C19orf38: variants seen among roughly 807,000 people sequenced by gnomAD.
The protein encoded by C19orf38 is protein HIDE1.
Under a neutral mutation model 26.6 loss-of-function variants are expected in C19orf38, and 14 were observed. That is an observed-to-expected ratio of 0.53 (90% CI 0.35 to 0.82). The LOEUF is 0.82. C19orf38 is among the 40% of genes least tolerant of loss of function. The pLI is 0.01. For missense variants in C19orf38, 261 were observed against 299.5 expected, an observed-to-expected ratio of 0.87 and a Z score of 0.95; for synonymous variants, 132 against 128.5, an observed-to-expected ratio of 1.03 and a Z score of -0.18.
chr19:10,846,635 C>G, upstream of C19orf38, among the ~76,000 whole-genome samples: 1 of 152,044 alleles, frequency 6.6e-6, no homozygotes, highest in East Asian at 1.9e-4. Context: ...CGATAAGAGA[C>G]AAGGAGACTT....
chr19:10,859,184 G>A (rs1568337313), intron 4 of C19orf38, among the ~76,000 whole-genome samples: 1 of 150,148 alleles, frequency 6.7e-6, no homozygotes, highest in Non-Finnish European at 1.5e-5. Flanking sequence ...TGATCCGCCC[G>A]CCTGTGCCTC....
chr19:10,858,516 G>T (rs950237353), intron 4 of C19orf38, among the ~76,000 whole-genome samples, 173 bp downstream of exon 4: 1 of 152,116 alleles, frequency 6.6e-6, no homozygotes. Flanking sequence ...ACTGAGCTGG[G>T]ACTCTCTGAA....
chr19:10,856,238 C>G, intron 2 of C19orf38, 27 bp from the exon 3 acceptor site: 5 of 1,532,558 alleles, frequency 3.3e-6, no homozygotes, highest in Non-Finnish European at 4.4e-6. Flanking sequence ...ACTGACCTGC[C>G]CACTCTCTTT....
At chr19:10,859,370 ATATATATATATATATTTT>A (rs1402837182) in intron 4 of C19orf38, among the ~76,000 whole-genome samples, 50 of 77,636 alleles carry the variant, frequency 6.4e-4, no homozygotes, top group African/African-American at 4.0e-3. Flanking sequence ...ATATATATAT[ATATATATATATATATTTT>A]TTTTTTTTTT....
At chr19:10,842,393 T>C in intron 1 of C19orf38, 2 of 521,836 alleles carry the variant, frequency 3.8e-6, no homozygotes, top group South Asian at 4.1e-5. Context: ...CCCGAGTAGC[T>C]GGGACTACAG....
chr19:10,848,299 C>T, upstream of C19orf38: 1 of 567,402 alleles, frequency 1.8e-6, no homozygotes, highest in East Asian at 2.8e-5. Flanking sequence ...GTGCGCGGGT[C>T]TGATGTGTGT....
At chr19:10,860,592 A>G (rs2073687708) in intron 5 of C19orf38, among the ~76,000 whole-genome samples, 2 of 144,374 alleles carry the variant, frequency 1.4e-5, no homozygotes, top group Admixed American at 1.4e-4. Context: ...CTGTAATCCC[A>G]GCACTTTGGG....
rs2073653222 is a variant in C19orf38 at position 10,858,334 on chromosome 19, A to G, written c.452A>G (p.Gln151Arg). The G allele has an allele frequency of 6.5e-7, 1 of 1,549,240 alleles. No individual in the cohort carries two copies. Among genetic ancestry groups the G allele is most frequent in the Admixed American group, 2.0e-5 (1 of 50,848 alleles). ...VVRKVKLRNL[Q>R]KKRDRESCWA... ...GTTCCAGTTAAACTCAGAAATTTAC[A>G]GAAGAAAAGGTGAGATCATCCCTGG... The change falls in exon 4 of 7, where the codon CAG (glutamine) becomes CGG (arginine). Residue 151 changes from glutamine to arginine, a missense_variant. By Grantham distance (43) the Gln-to-Arg change is conservative (BLOSUM62 1). Transcript: ENST00000397820.
chr19:10,858,020 A>G (rs1599666860), intron 3 of C19orf38, among the ~76,000 whole-genome samples: 1 of 151,904 alleles, frequency 6.6e-6, no homozygotes, highest in African/African-American at 2.4e-5. Context: ...ACTTGAGGTC[A>G]GGAGTTCGAG....
At chr19:10,859,384 A>T (rs1345087333) in intron 4 of C19orf38, among the ~76,000 whole-genome samples, 1,063 of 20,758 alleles carry the variant, frequency 0.051, 10 homozygotes, top group Middle Eastern at 0.071. Context: ...ATATATATAT[A>T]TTTTTTTTTT....
Position 10,850,289 on chromosome 19 carries a change from G to A in C19orf38, c.62G>A (p.Arg21Gln), listed in dbSNP as rs368890462. Reference sequence around the variant, plus strand: ...TTGGCGATCCCAGCACCATCCATCCGGCTGGTGCCCCCGTACCCAAGCAGC... The same window carrying A: ...TTGGCGATCCCAGCACCATCCATCCAGCTGGTGCCCCCGTACCCAAGCAGC... ...GSLAIPAPSI[R>Q]LVPPYPSSQE... The change falls in exon 2 of 7, where the codon CGG becomes CAG. Residue 21 changes from arginine to glutamine, a missense_variant. By Grantham distance (43) the Arg-to-Gln change is conservative (BLOSUM62 1). Transcript: ENST00000397820. The A allele has an allele frequency of 9.0e-6, 14 of 1,550,498 alleles. No individual in the cohort carries two copies. The highest frequency in any genetic ancestry group is 1.8e-4 in the Middle Eastern group (1 of 5,448).
chr19:10,844,639 T>A (rs1187283423), upstream of C19orf38, among the ~76,000 whole-genome samples: 5 of 147,054 alleles, frequency 3.4e-5, no homozygotes, highest in Non-Finnish European at 4.5e-5. Flanking sequence ...CAAGGTCAGG[T>A]GATCAAGACC....
intron 5 of C19orf38, among the ~76,000 whole-genome samples, chr19:10,860,685 CA>C (rs2073689082): frequency 6.9e-6 from 1 of 145,550 alleles, no homozygotes; most frequent in African/African-American, 2.6e-5. Context: ...ACTAAAAATA[CA>C]AAAAATTAGG....
chr19:10,854,352 C>T (rs1488486097), intron 2 of C19orf38, among the ~76,000 whole-genome samples: 1 of 152,274 alleles, frequency 6.6e-6, no homozygotes, highest in South Asian at 2.1e-4. Context: ...CCATGAGCCA[C>T]CGCGCCTGGC....
At chr19:10,848,294 C>G, upstream of C19orf38, 1 of 531,910 alleles carries the variant, frequency 1.9e-6, no homozygotes, top group Non-Finnish European at 3.4e-6. Flanking sequence ...GAGAGGTGCG[C>G]GGGTCTGATG....
chr19:10,849,862 C>T (rs117927505), intron 1 of C19orf38, among the ~76,000 whole-genome samples: 2,394 of 150,732 alleles, frequency 0.016, 32 homozygotes, highest in South Asian at 0.019. Context: ...GCCAGGAGTT[C>T]GAGACCAGTC....
intron 2 of C19orf38, among the ~76,000 whole-genome samples, chr19:10,854,990 A>G (rs1359627457): frequency 6.8e-6 from 1 of 146,070 alleles, no homozygotes; most frequent in Non-Finnish European, 1.5e-5. Context: ...TCTCCCCCTC[A>G]TGGAGGCAAG....
intron 6 of C19orf38, 95 bp downstream of exon 6, chr19:10,863,302 T>C: frequency 7.3e-7 from 1 of 1,366,920 alleles, no homozygotes; most frequent in Non-Finnish European, 1.0e-6. Flanking sequence ...TAAGTTGACC[T>C]GCTGTCTCTA....
chr19:10,856,701 G>T (rs2073629464), intron 3 of C19orf38, among the ~76,000 whole-genome samples: 1 of 151,712 alleles, frequency 6.6e-6, no homozygotes, highest in South Asian at 2.1e-4. Flanking sequence ...ATGTGGTTTT[G>T]CCATGTTGCC....
Sources: gnomAD v4.1 joint callset for allele counts (sites outside exome capture counted in the v4.1 genomes callset) on GRCh38, gnomAD v4.1.1 for gene constraint, MANE v1.5 for transcripts, NCBI Gene and HGNC (gene_info 2026-07-23, HGNC 2026-07-21) for gene names.